Variants in PCLO observed in about 807,000 individuals in gnomAD.
PCLO encodes piccolo presynaptic cytomatrix protein.
PCLO carries 82 observed loss-of-function variants against 427.5 expected under a neutral mutation model. That is an observed-to-expected ratio of 0.19 (90% CI 0.16 to 0.23). The LOEUF is 0.23. Ranked by LOEUF, PCLO falls within the 10% of genes least tolerant of loss-of-function variation. PCLO has a pLI of 1.00. For missense variants in PCLO, 6,239 were observed against 6,115.9 expected (o/e 1.02, Z -0.67); for synonymous variants, 2,357 against 2,155.4 (o/e 1.09, Z -2.59).
chr7:82,845,390 C>T lies in PCLO; in HGVS notation c.13927G>A (p.Val4643Ile), dbSNP rs1416324540. Residue 4643 changes from valine to isoleucine, a missense_variant, in exon 13 of 25, where the codon GTT becomes ATT. By Grantham distance (29) the Val-to-Ile change is conservative. Coordinates refer to ENST00000333891, the MANE Select transcript of PCLO (RefSeq NM_033026.6). Reference sequence around the variant, plus strand: ...TGAACATGAGATCCTTTTTCAACAACTGATGACAGAACCAGCGGTGACTGC... The same window carrying T: ...TGAACATGAGATCCTTTTTCAACAATTGATGACAGAACCAGCGGTGACTGC... ...LQQSPLVLSS[V>I]VEKGSHVHSG... 2 of 1,613,352 alleles carry T rather than the reference C, an allele frequency of 1.2e-6. No homozygotes were observed. Among genetic ancestry groups the T allele is most frequent in the South Asian group, 1.1e-5 (1 of 91,060 alleles).
At chr7:82,832,783 T>C (rs1423564741) in intron 16 of PCLO, among the ~76,000 whole-genome samples, 1 of 147,374 alleles carries the variant, frequency 6.8e-6, no homozygotes, top group Non-Finnish European at 1.5e-5. Context: ...TATCTGGTTT[T>C]CCTTTACTAA....
chr7:82,864,189 CA>C (rs1420827656), intron 10 of PCLO, among the ~76,000 whole-genome samples: 1 of 151,998 alleles, frequency 6.6e-6, no homozygotes, highest in African/African-American at 2.4e-5. Context: ...AGTGCATAAT[CA>C]GTATAAATAA....
chr7:82,904,799 C>T (rs762021116), intron 8 of PCLO, among the ~76,000 whole-genome samples: 1 of 151,968 alleles, frequency 6.6e-6, no homozygotes, highest in Non-Finnish European at 1.5e-5. Context: ...GAATGTTGAA[C>T]ATATTAATTT....
intron 6 of PCLO, among the ~76,000 whole-genome samples, chr7:82,946,978 T>C (rs1260449524): frequency 6.6e-6 from 1 of 152,176 alleles, no homozygotes; most frequent in Non-Finnish European, 1.5e-5. Flanking sequence ...AATCCAAACT[T>C]TGTAAGGCAG....
chr7:83,131,934 G>C (rs6950738), intron 3 of PCLO, among the ~76,000 whole-genome samples: 1 of 151,678 alleles, frequency 6.6e-6, no homozygotes, highest in Non-Finnish European at 1.5e-5. Flanking sequence ...TATACATAAG[G>C]GTATATGTAT....
In PCLO at chr7:83,001,559, C is replaced by T. The variant is rs569431618; in HGVS notation, c.3301-35072G>A. 2.6e-5 allele frequency among the ~76,000 whole-genome samples: 4 copies of T among 151,378 alleles called. No individual in the cohort carries two copies. The East Asian group carries it at 5.9e-4, about 22-fold the overall frequency. On this transcript the variant is annotated intron_variant, in intron 3 of 24. Transcript: ENST00000333891. Reference sequence around the variant, plus strand: ...GAAGTAAGAAAGAAAACCTTGGTGACTTAATCAGATACTTATTCCTGACTT... The same window carrying T: ...GAAGTAAGAAAGAAAACCTTGGTGATTTAATCAGATACTTATTCCTGACTT...
At chr7:82,771,017 A>AT (rs549608864) in intron 22 of PCLO, among the ~76,000 whole-genome samples, 11 of 152,016 alleles carry the variant, frequency 7.2e-5, no homozygotes, top group Admixed American at 3.3e-4. Flanking sequence ...GAAGAACTGT[A>AT]TTTTTTTAAA....
At chr7:82,845,920 C>T (rs1246162583) in intron 12 of PCLO, among the ~76,000 whole-genome samples, 2 of 151,954 alleles carry the variant, frequency 1.3e-5, no homozygotes, top group African/African-American at 4.8e-5. Flanking sequence ...TATTAAAATT[C>T]GTATAGCACT....
intron 9 of PCLO, among the ~76,000 whole-genome samples, chr7:82,881,577 T>C (rs1442435871): frequency 6.6e-6 from 1 of 152,172 alleles, no homozygotes; most frequent in Non-Finnish European, 1.5e-5. Context: ...AATGAGACTA[T>C]ATACATAGAA....
chr7:83,135,030 G>C lies in PCLO; in HGVS notation c.2520C>G (p.Ser840Arg). The part of the protein sequence containing the change: ...IISHPGPSSE[S>R]KGQKQVDPVQ... ...CGGGGTCAACTTGTTTTTGACCTTT[G>C]CTCTCTGAACTGGGACCAGGATGTG... Residue 840 changes from serine (S) to arginine (R), a missense_variant, in exon 3 of 25, where the codon AGC becomes AGG. Ser to Arg is a moderately radical substitution (Grantham distance 110, BLOSUM62 -1). This residue lies in a region of PCLO where 4,677 missense variants were observed against 4,468.4 expected (regional missense o/e 1.05). Coordinates refer to ENST00000333891, the MANE Select transcript of PCLO (RefSeq NM_033026.6). The C allele has an allele frequency of 6.2e-7, 1 of 1,613,880 alleles. No homozygotes were observed. The highest frequency in any genetic ancestry group is 8.5e-7 in the Non-Finnish European group (1 of 1,179,876).
intron 2 of PCLO, among the ~76,000 whole-genome samples, chr7:83,135,863 G>A (rs1263557023): frequency 3.9e-5 from 6 of 152,074 alleles, no homozygotes; most frequent in Admixed American, 3.9e-4. Flanking sequence ...ACATTGGGAG[G>A]CTGAGGTGAG....
intron 3 of PCLO, among the ~76,000 whole-genome samples, chr7:83,130,877 C>G (rs1444552127): frequency 2.6e-5 from 4 of 152,132 alleles, no homozygotes; most frequent in Non-Finnish European, 5.9e-5. Flanking sequence ...AATCATCTTG[C>G]TAAGGAAGCA....
intron 3 of PCLO, among the ~76,000 whole-genome samples, chr7:83,118,256 T>C (rs1274170123): frequency 6.6e-6 from 1 of 152,146 alleles, no homozygotes; most frequent in Non-Finnish European, 1.5e-5. Context: ...AATACCTTAT[T>C]TATCAAACAG....
chr7:82,873,448 C>T (rs1011508264), intron 10 of PCLO, among the ~76,000 whole-genome samples: 1 of 151,976 alleles, frequency 6.6e-6, no homozygotes, highest in African/African-American at 2.4e-5. Context: ...GGGGAAGAGG[C>T]TCAGTTTAAG....
At chr7:82,983,515 A>C (rs1796193722) in intron 3 of PCLO, among the ~76,000 whole-genome samples, 2 of 150,676 alleles carry the variant, frequency 1.3e-5, no homozygotes, top group South Asian at 4.1e-4. Flanking sequence ...ATAAATGTTA[A>C]CATTTTATTA....
At chr7:82,877,791 G>A (rs983380588) in intron 10 of PCLO, among the ~76,000 whole-genome samples, 5 of 152,024 alleles carry the variant, frequency 3.3e-5, no homozygotes, top group South Asian at 2.1e-4. Flanking sequence ...TCAGCCTCCC[G>A]AATAGCTGGG....
chr7:82,813,782 G>A (rs1213844258), intron 20 of PCLO, among the ~76,000 whole-genome samples: 1 of 151,766 alleles, frequency 6.6e-6, no homozygotes, highest in African/African-American at 2.4e-5. Context: ...TTTCATAAAT[G>A]ATAAGCACGT....
intron 3 of PCLO, among the ~76,000 whole-genome samples, chr7:83,079,338 C>T (rs763521488): frequency 1.3e-5 from 2 of 151,870 alleles, no homozygotes; most frequent in Non-Finnish European, 2.9e-5. Flanking sequence ...ATTTCTAAAC[C>T]GGGTCAACTG....
intron 9 of PCLO, chr7:82,880,368 C>T (rs190466109): frequency 1.2e-3 from 457 of 391,630 alleles, no homozygotes; most frequent in African/African-American, 9.1e-3. Context: ...GAAACAAACA[C>T]ATATTAATCA....
Sources: gnomAD v4.1 joint callset for allele counts (sites outside exome capture counted in the v4.1 genomes callset) on GRCh38, gnomAD v4.1.1 for gene constraint, gnomAD v4.1.1 regional missense constraint, MANE v1.5 for transcripts, NCBI Gene and HGNC (gene_info 2026-07-23, HGNC 2026-07-21) for gene names.